EMX1: variants seen among roughly 807,000 people sequenced by gnomAD.
EMX1 encodes the protein empty spiracles homeobox 1.
A neutral mutation model predicts 20.1 loss-of-function variants in EMX1; 10 were observed. The observed-to-expected ratio is 0.50, with a 90% confidence interval of 0.31 to 0.84. The LOEUF (loss-of-function observed/expected upper bound fraction) is 0.84, where lower values mean the gene tolerates loss of function less well. Ranked by LOEUF, EMX1 falls within the 40% of genes least tolerant of loss-of-function variation. The pLI, the probability that EMX1 is intolerant of heterozygous loss-of-function variation, is 0.05. For missense variants in EMX1, 424 were observed against 431.9 expected, an observed-to-expected ratio of 0.98 and a Z score of 0.16; for synonymous variants, 250 against 200.4, an observed-to-expected ratio of 1.25 and a Z score of -2.09.
chr2:72,930,714 G>C lies in EMX1; in HGVS notation c.706-3073G>C, dbSNP rs2105270992. Among the ~76,000 whole-genome samples, 1 of 152,310 alleles carries C rather than the reference G, an allele frequency of 6.6e-6. No homozygotes were observed. The highest frequency in any genetic ancestry group is 1.9e-4 in the East Asian group (1 of 5,186). ...TTTTCTCTAGGGAAGGGGCTCTGAA[G>C]GATCCAGAGTTGCCTGGCTGGGTTG... On this transcript the variant is annotated intron_variant, in intron 2 of 2. Transcript: ENST00000258106. The surrounding 1 kb of genome is among the most constrained non-coding windows in gnomAD (Gnocchi z 4.4).
chr2:72,933,643 AG>A lies in EMX1; in HGVS notation c.706-140del. The stretch of plus-strand genomic sequence containing the variant: ...TAGACCCATGGGAGCAGCTGGTCAG[AG>A]GGGACCCCGGCCTGGGGCCCCTAAC... On this transcript the variant is annotated intron_variant, in intron 2 of 2. Transcript: ENST00000258106. The A allele has an allele frequency of 3.1e-6, 3 of 957,920 alleles. No homozygotes were observed. In the South Asian group the frequency reaches 5.2e-5, roughly 17 times the overall value. The allele number at this position is 957,920 out of a possible 1,614,324, so 59.3% of individuals were successfully genotyped here. A position where few individuals can be genotyped will look rare whatever the true frequency, so the allele number is the denominator to read the frequency against.
At position 72,930,290 on chromosome 2, in the gene EMX1, G is replaced by C. The variant is rs745453642; in HGVS notation, c.706-3497G>C. ...ACGTAAATAAATAAATTAGTGCACAGTGGGGGTCACTGTTACTGAGACTGG... is the reference window on the plus strand; with the variant it reads ...ACGTAAATAAATAAATTAGTGCACACTGGGGGTCACTGTTACTGAGACTGG... On this transcript the variant is annotated intron_variant, in intron 2 of 2. Coordinates refer to ENST00000258106, the MANE Select transcript of EMX1 (RefSeq NM_004097.3). The surrounding 1 kb of genome is among the most constrained non-coding windows in gnomAD (Gnocchi z 4.4). Among the ~76,000 whole-genome samples the C allele has an allele frequency of 2.0e-5, 3 of 152,214 alleles. No individual in the cohort carries two copies. Among genetic ancestry groups the C allele is most frequent in the African/African-American group, 4.8e-5 (2 of 41,448 alleles).
intron 1 of EMX1, 124 bp downstream of exon 1, chr2:72,918,496 G>A (rs1041493446): frequency 8.0e-7 from 1 of 1,256,576 alleles, no homozygotes; most frequent in Non-Finnish European, 1.0e-6. Context: ...CAGGTCCGCG[G>A]AGGTAGATTC....
At chr2:72,918,394 G>A (rs970896709) in intron 1 of EMX1, 22 bp downstream of exon 1, 42 of 1,363,776 alleles carry the variant, frequency 3.1e-5, no homozygotes, top group Non-Finnish European at 3.9e-5. Flanking sequence ...CGCTGTGCCC[G>A]CCGAGGCGGC....
In EMX1 at chr2:72,920,915, C is replaced by G. The variant is rs563118113; in HGVS notation, c.520+2543C>G. On this transcript the variant is annotated intron_variant, in intron 1 of 2. Transcript: ENST00000258106. ...GAGGGGGCTGTAGAGACCCAGCCCC[C>G]CGGGACCCGCAACTACAATGGGCCG... Among the ~76,000 whole-genome samples, 34 of 152,350 alleles carry G rather than the reference C, an allele frequency of 2.2e-4. No homozygotes were observed. In the South Asian group the frequency reaches 7.0e-3, roughly 32 times the overall value.
chr2:72,917,202 A>G, upstream of EMX1: 1 of 603,572 alleles, frequency 1.7e-6, no homozygotes, highest in Non-Finnish European at 3.0e-6. Context: ...GACGAATGGG[A>G]GAGTTAGGCT....
At chr2:72,922,342 C>T (rs1182607532) in intron 1 of EMX1, among the ~76,000 whole-genome samples, 2 of 152,234 alleles carry the variant, frequency 1.3e-5, no homozygotes, top group Non-Finnish European at 1.5e-5. Context: ...CCTTATTCCC[C>T]ACCTGGAGCA....
Position 72,918,023 on chromosome 2 carries a change from G to A in EMX1, c.171G>A (p.Gly57=). 1.4e-6 allele frequency: 2 copies of A among 1,428,964 alleles called. No homozygotes were observed. Among genetic ancestry groups the A allele is most frequent in the Non-Finnish European group, 9.1e-7 (1 of 1,100,606 alleles). 88.5% of individuals were successfully genotyped at this position (1,428,964 alleles called of 1,614,324 possible). ...TGGCCAAGGACGGCGGCACCGGCGG[G>A]GGCACTGGCGGCGGGGGCGCGGGCT... is the stretch of plus-strand genomic sequence containing the variant. ...SLVAKDGGTG[G]GTGGGGAGSH... The change falls in exon 1 of 3, where the codon GGG becomes GGA. Residue 57 remains glycine (G), a synonymous_variant. Coordinates refer to ENST00000258106, the MANE Select transcript of EMX1 (RefSeq NM_004097.3).
chr2:72,922,070 C>T (rs959274646), intron 1 of EMX1, among the ~76,000 whole-genome samples: 3 of 152,208 alleles, frequency 2.0e-5, no homozygotes, highest in Non-Finnish European at 2.9e-5. Context: ...ACTTACGGGG[C>T]TTTCCACACT....
At chr2:72,924,778 G>A (rs994427710) in intron 2 of EMX1, among the ~76,000 whole-genome samples, 2 of 152,238 alleles carry the variant, frequency 1.3e-5, no homozygotes, top group African/African-American at 2.4e-5. Flanking sequence ...CTCCTCACGG[G>A]GGGACCAGGT....
At position 72,934,158 on chromosome 2, in the gene EMX1, C is replaced by T; in HGVS notation, c.*204C>T. ...CTGAGGCCTGGGACCACTTGGCCTT[C>T]TCCTCGGAGAGCCTGCCTGCCTGGG... On this transcript the variant is annotated 3_prime_UTR_variant, in exon 3 of 3. Coordinates refer to ENST00000258106, the MANE Select transcript of EMX1 (RefSeq NM_004097.3). The T allele has an allele frequency of 7.0e-6, 5 of 717,868 alleles. No homozygotes were observed. The South Asian group carries it at 9.1e-5, about 13-fold the overall frequency. The allele number at this position is 717,868 out of a possible 1,614,324, so 44.5% of individuals were successfully genotyped here. A position where few individuals can be genotyped will look rare whatever the true frequency, so the allele number is the denominator to read the frequency against.
chr2:72,918,537 C>T (rs1671039730), intron 1 of EMX1, among the ~76,000 whole-genome samples, 165 bp downstream of exon 1: 2 of 152,242 alleles, frequency 1.3e-5, no homozygotes, highest in African/African-American at 4.8e-5. Flanking sequence ...CGGCATCCAC[C>T]CGCGCCTTCG....
upstream of EMX1, chr2:72,916,558 G>T (rs1670965309): frequency 8.2e-6 from 5 of 612,758 alleles, no homozygotes; most frequent in Non-Finnish European, 1.5e-5. Context: ...CGGGGAATTC[G>T]TCCGCCGTAC....
intron 1 of EMX1, among the ~76,000 whole-genome samples, chr2:72,919,294 GGA>G (rs1671058356): frequency 6.6e-6 from 1 of 151,136 alleles, no homozygotes; most frequent in African/African-American, 2.4e-5. Context: ...GAAATTTGTT[GGA>G]GTTTGTTTTT....
At chr2:72,931,841 CCAGTGCTCTAAAAT>C (rs1333178784) in intron 2 of EMX1, among the ~76,000 whole-genome samples, 1 of 152,242 alleles carries the variant, frequency 6.6e-6, no homozygotes, top group African/African-American at 2.4e-5. Context: ...CATCCCCATG[CCAGTGCTCTAAAAT>C]CAGTGCTCTC....
At position 72,917,711 on chromosome 2, in the gene EMX1, A is replaced by AGCC; in HGVS notation, c.-136_-134dup. 1.3e-6 allele frequency: 1 copy of AGCC among 794,054 alleles called. No homozygotes were observed. The allele number at this position is 794,054 out of a possible 1,614,324, so 49.2% of individuals were successfully genotyped here. The stretch of plus-strand genomic sequence containing the variant: ...CTGGAGCTGCCCGCTCCGCCGCAGC[A>AGCC]GCCGCCGCGCCTGGCCGTACGCTGT... On this transcript the variant is annotated 5_prime_UTR_variant, in exon 1 of 3. Transcript: ENST00000258106.
At position 72,924,116 on chromosome 2, in the gene EMX1, G is replaced by T. The variant is rs1179926368; in HGVS notation, c.521-193G>T. 4 of 671,232 alleles carry T rather than the reference G, an allele frequency of 6.0e-6. No individual in the cohort carries two copies. In the Admixed American group the frequency reaches 6.9e-5, roughly 12 times the overall value. 41.6% of individuals were successfully genotyped at this position (671,232 alleles called of 1,614,324 possible). ...GCTCTCGAGTGCGGGGAGGTGTTGC[G>T]GAGGGGAGTGGACTTAGGGAAGGGG... On this transcript the variant is annotated intron_variant, in intron 1 of 2. Coordinates refer to ENST00000258106, the MANE Select transcript of EMX1 (RefSeq NM_004097.3).
chr2:72,920,969 A>C (rs1385578975), intron 1 of EMX1, among the ~76,000 whole-genome samples: 1 of 152,176 alleles, frequency 6.6e-6, no homozygotes, highest in Non-Finnish European at 1.5e-5. Flanking sequence ...TTGTTCTGGC[A>C]GGAGGACGGG....
At chr2:72,916,789 C>T, upstream of EMX1, 4 of 717,288 alleles carry the variant, frequency 5.6e-6, no homozygotes, top group Non-Finnish European at 7.8e-6. Context: ...TCAGAGAAGG[C>T]GAGGGGGTGG....
Sources: allele counts gnomAD v4.1 joint callset (sites outside exome capture counted in the v4.1 genomes callset), GRCh38; gene constraint gnomAD v4.1.1; non-coding constraint Gnocchi (gnomAD v3.1); transcripts MANE v1.5; gene names NCBI Gene and HGNC (gene_info 2026-07-23, HGNC 2026-07-21).